Variants in BMPER observed in about 807,000 individuals in gnomAD.
BMPER encodes the protein BMP-binding endothelial regulator protein.
A neutral mutation model predicts 87.3 loss-of-function variants in BMPER; 45 were observed. The observed-to-expected ratio is 0.52, with a 90% CI of 0.41 to 0.66. BMPER has a LOEUF of 0.66. Ranked by LOEUF, BMPER falls within the 30% of genes least tolerant of loss-of-function variation. The probability of loss-of-function intolerance (pLI) is 0.00; values close to 1 mark genes in which losing one functional copy is unlikely to be tolerated. For missense variants in BMPER, 784 were observed against 867.5 expected (o/e 0.90, Z 1.21); for synonymous variants, 326 against 316.2 (o/e 1.03, Z -0.33).
At chr7:34,018,373 GC>G in intron 6 of BMPER, among the ~76,000 whole-genome samples, 1 of 151,858 alleles carries the variant, frequency 6.6e-6, no homozygotes, top group East Asian at 1.9e-4. Context: ...ATATTGAGAA[GC>G]TTTATATGGT....
At chr7:33,917,499 T>G (rs1393444403) in intron 2 of BMPER, among the ~76,000 whole-genome samples, 1 of 151,952 alleles carries the variant, frequency 6.6e-6, no homozygotes, top group Non-Finnish European at 1.5e-5. Context: ...AATTATAAGG[T>G]TTCGTGCAGG....
At chr7:34,151,602 A>C (rs989145825) in intron 14 of BMPER, among the ~76,000 whole-genome samples, 4 of 152,202 alleles carry the variant, frequency 2.6e-5, no homozygotes, top group Non-Finnish European at 5.9e-5. Flanking sequence ...ATTAGCTGCT[A>C]CTAACTCATC....
rs527602667 is a variant in BMPER at position 33,966,612 on chromosome 7, C to A, written c.402+51C>A. 95 of 1,523,512 alleles carry A rather than the reference C, an allele frequency of 6.2e-5. No individual in the cohort carries two copies. In the South Asian group the frequency reaches 1.0e-3, roughly 16 times the overall value. 94.4% of individuals were successfully genotyped at this position (1,523,512 alleles called of 1,614,324 possible). A position where few individuals can be genotyped will look rare whatever the true frequency, so the allele number is the denominator to read the frequency against. On this transcript the variant is annotated intron_variant, in intron 4 of 14. Transcript: ENST00000649409. Reference sequence around the variant, plus strand: ...AGTAAAAAGGAATCCATAGAGTCCTCTTTAGTCACCCCTTCACACAACATA... The same window carrying A: ...AGTAAAAAGGAATCCATAGAGTCCTATTTAGTCACCCCTTCACACAACATA...
chr7:34,037,784 G>A (rs925190167), intron 6 of BMPER, among the ~76,000 whole-genome samples: 3 of 152,218 alleles, frequency 2.0e-5, no homozygotes, highest in East Asian at 1.9e-4. Context: ...CGAATAAGAC[G>A]AAAACATTGG....
intron 2 of BMPER, among the ~76,000 whole-genome samples, chr7:33,920,428 T>TG (rs1406172751): frequency 3.6e-5 from 5 of 138,454 alleles, no homozygotes. Context: ...GTGTTTTTTT[T>TG]TTTTTTTTTT....
rs944219676 is a variant in BMPER, at chr7:34,070,993, G to A, written c.1079-7864G>A. ...ACAACTTGGGTGTCTTGTATCTCCC[G>A]AAGCAGCTCTGCACTCTGGTGCGAT... On this transcript the variant is annotated intron_variant, in intron 11 of 14. Coordinates refer to ENST00000649409, the MANE Select transcript of BMPER (RefSeq NM_001365308.1). Among the ~76,000 whole-genome samples, 7 of 152,056 alleles carry A rather than the reference G, an allele frequency of 4.6e-5. 1 individual carries two copies. Among genetic ancestry groups the A allele is most frequent in the African/African-American group, 9.7e-5 (4 of 41,398 alleles).
At position 33,970,345 on chromosome 7, in the gene BMPER, A is replaced by G. The variant is rs373184533; in HGVS notation, c.419A>G (p.Glu140Gly). ...LRQCQEGVVT[E>G]SGVRCVVHCK... ...GTGTTTCAGGAGGGCGTTGTCACAG[A>G]GTCTGGGGTGCGCTGTGTTGTTCAT... Residue 140 changes from glutamate to glycine, a missense_variant, in exon 5 of 15, where the codon GAG (glutamate) becomes GGG (glycine). Physicochemically the swap from Glu to Gly is moderately conservative, Grantham distance 98. Transcript: ENST00000649409. 1.8e-5 allele frequency: 29 copies of G among 1,613,964 alleles called. No individual in the cohort carries two copies. Among genetic ancestry groups the G allele is most frequent in the African/African-American group, 2.7e-5 (2 of 74,894 alleles).
intron 6 of BMPER, among the ~76,000 whole-genome samples, chr7:34,026,440 C>T (rs574441857): frequency 6.6e-6 from 1 of 152,200 alleles, no homozygotes; most frequent in Admixed American, 6.5e-5. Context: ...CAGTTTTCTT[C>T]AGATCAGACC....
At chr7:34,121,276 G>A (rs1308526327) in intron 13 of BMPER, among the ~76,000 whole-genome samples, 1 of 152,134 alleles carries the variant, frequency 6.6e-6, no homozygotes, top group Non-Finnish European at 1.5e-5. Context: ...ATAGGTATTT[G>A]TTGTATTACT....
intron 8 of BMPER, 86 bp downstream of exon 8, chr7:34,052,056 G>T (rs1470774534): frequency 2.5e-6 from 3 of 1,204,212 alleles, no homozygotes; most frequent in Non-Finnish European, 1.2e-6. Flanking sequence ...AAAGCCAATG[G>T]TGTGTTATTT....
intron 4 of BMPER, among the ~76,000 whole-genome samples, chr7:33,967,830 A>G (rs1785441226): frequency 6.6e-6 from 1 of 152,200 alleles, no homozygotes. Context: ...AGACAATCAC[A>G]TATCCTCTGG....
intron 14 of BMPER, among the ~76,000 whole-genome samples, chr7:34,151,998 A>C (rs1159914659): frequency 1.3e-5 from 2 of 152,206 alleles, no homozygotes; most frequent in Non-Finnish European, 2.9e-5. Flanking sequence ...CTTTTACTTA[A>C]ATATGATCAA....
chr7:33,910,079 C>A (rs544504118), intron 2 of BMPER, among the ~76,000 whole-genome samples: 1 of 152,172 alleles, frequency 6.6e-6, no homozygotes, highest in Non-Finnish European at 1.5e-5. Flanking sequence ...TTCAGTTCAT[C>A]TATTTGAGGG....
rs537231246 is a variant in BMPER, at chr7:34,153,226, C to T, written c.2011C>T (p.Leu671Phe). The T allele has an allele frequency of 3.1e-6, 5 of 1,614,040 alleles. No individual in the cohort carries two copies. In the African/African-American group the frequency reaches 5.3e-5, roughly 17 times the overall value. The change falls in exon 15 of 15, where the codon CTT becomes TTT. Residue 671 changes from leucine to phenylalanine, a missense_variant. Transcript: ENST00000649409. ...GTGCCACTGTCCAGCAAACTTGGTCCTTCACAAGGGAAGGTGCATCAAGCC... is the reference window on the plus strand; with the variant it reads ...GTGCCACTGTCCAGCAAACTTGGTCTTTCACAAGGGAAGGTGCATCAAGCC... ...AGCHCPANLV[L>F]HKGRCIKPVL...
chr7:33,961,373 C>A (rs1252826376), intron 3 of BMPER, among the ~76,000 whole-genome samples: 1 of 152,152 alleles, frequency 6.6e-6, no homozygotes, highest in Non-Finnish European at 1.5e-5. Context: ...GGGTGGGTGC[C>A]TGGTCTGTAC....
chr7:33,932,043 G>A (rs558113502), intron 2 of BMPER, among the ~76,000 whole-genome samples: 4 of 152,044 alleles, frequency 2.6e-5, no homozygotes, highest in Admixed American at 2.0e-4. Context: ...TCTCCCTCCC[G>A]CAGCACTGAG....
At chr7:34,087,128 A>G (rs548649834) in intron 13 of BMPER, among the ~76,000 whole-genome samples, 2 of 151,978 alleles carry the variant, frequency 1.3e-5, no homozygotes, top group Non-Finnish European at 2.9e-5. Flanking sequence ...GTGGGGTGGA[A>G]AAAAGACTGT....
intron 6 of BMPER, among the ~76,000 whole-genome samples, chr7:33,985,756 G>T (rs988714534): frequency 6.6e-6 from 1 of 150,770 alleles, no homozygotes; most frequent in Admixed American, 6.6e-5. Flanking sequence ...AATTGTCTGT[G>T]TTTTTATTTC....
In BMPER at chr7:34,087,057, A is replaced by G. The variant is rs1431849571; in HGVS notation, c.1745+965A>G. On this transcript the variant is annotated intron_variant, in intron 13 of 14. Coordinates refer to ENST00000649409, the MANE Select transcript of BMPER (RefSeq NM_001365308.1). ...GTTTATTTCCCCTAGTTCTCATTAA[A>G]TATGATTTTTTTATTTGATCTTTGG... 2.6e-5 allele frequency among the ~76,000 whole-genome samples: 4 copies of G among 152,326 alleles called. No homozygotes were observed. In the East Asian group the frequency reaches 7.7e-4, roughly 29 times the overall value.
Sources: allele counts gnomAD v4.1 joint callset (sites outside exome capture counted in the v4.1 genomes callset), GRCh38; gene constraint gnomAD v4.1.1; transcripts MANE v1.5; gene names NCBI Gene and HGNC (gene_info 2026-07-23, HGNC 2026-07-21).